The following SOX6 variants were observed in gnomAD, a reference collection of about 807,000 sequenced individuals.
The protein encoded by SOX6 is SRY-box transcription factor 6.
SOX6 carries 11 observed loss-of-function variants against 97.8 expected under a neutral mutation model. The ratio of observed to expected loss-of-function variants is 0.11; its 90% CI spans 0.07 to 0.19. SOX6 has a LOEUF of 0.19. Among genes scored for constraint, SOX6 ranks in the 10% least tolerant of loss-of-function variants. The pLI is 1.00. For synonymous variants in SOX6, 360 were observed against 371.4 expected (o/e 0.97, Z 0.35); for missense variants, 810 against 1,039.5 (o/e 0.78, Z 3.04).
In SOX6 at chr11:16,030,454, T is replaced by G. The variant is rs564234409; in HGVS notation, c.1624-15404A>C. Among the ~76,000 whole-genome samples the G allele has an allele frequency of 3.3e-5, 5 of 152,310 alleles. No homozygotes were observed. In the East Asian group the frequency reaches 9.7e-4, roughly 29 times the overall value. On this transcript the variant is annotated intron_variant, in intron 12 of 15. Coordinates refer to ENST00000683767, the MANE Select transcript of SOX6 (RefSeq NM_001367873.1). ...GTGTAAGCTGATTTGACTGCAAACT[T>G]TACTTCTCTTTAGTATGGTTTCTAC...
intron 12 of SOX6, among the ~76,000 whole-genome samples, chr11:16,045,717 C>T (rs1368318758): frequency 6.6e-6 from 1 of 152,116 alleles, no homozygotes; most frequent in African/African-American, 2.4e-5. Flanking sequence ...GCCTAGAATG[C>T]CCCTGCTCCT....
chr11:16,223,076 A>C (rs1366428331), intron 4 of SOX6, among the ~76,000 whole-genome samples: 1 of 152,034 alleles, frequency 6.6e-6, no homozygotes, highest in Non-Finnish European at 1.5e-5. Flanking sequence ...CCTTCCAGTA[A>C]TTTTCTAGGT....
chr11:16,262,728 C>T (rs903997261), intron 3 of SOX6, among the ~76,000 whole-genome samples: 4 of 151,942 alleles, frequency 2.6e-5, no homozygotes, highest in African/African-American at 7.2e-5. Context: ...GCAATAAATG[C>T]CCCTGTGACT....
chr11:16,175,064 CT>C (rs1173181693), intron 6 of SOX6, among the ~76,000 whole-genome samples: 5 of 151,896 alleles, frequency 3.3e-5, no homozygotes, highest in Non-Finnish European at 5.9e-5. Flanking sequence ...AATTGTTGCA[CT>C]TTATTTTCCT....
At chr11:16,440,543 T>C (rs1340037277) in intron 1 of SOX6, among the ~76,000 whole-genome samples, 1 of 152,168 alleles carries the variant, frequency 6.6e-6, no homozygotes, top group Non-Finnish European at 1.5e-5. Flanking sequence ...TGACAGCACT[T>C]GTTAATGGTG....
chr11:16,003,409 G>A (rs1483832510), intron 13 of SOX6, among the ~76,000 whole-genome samples: 2 of 152,038 alleles, frequency 1.3e-5, no homozygotes, highest in East Asian at 1.9e-4. Flanking sequence ...GTTAGAATAA[G>A]TAGCTTAGGC....
chr11:16,145,840 C>T (rs1386802896), intron 6 of SOX6, among the ~76,000 whole-genome samples: 2 of 151,948 alleles, frequency 1.3e-5, no homozygotes, highest in African/African-American at 4.8e-5. Context: ...TACTGCTCAA[C>T]AAAATAAAAG....
At position 16,150,800 on chromosome 11, in the gene SOX6, T is replaced by A. The variant is rs1850439836; in HGVS notation, c.777+33086A>T. ...ATAGCTTTATTGTTTAAATTGTGTA[T>A]GACTTTATTTAACGTCAGCATTTCT... On this transcript the variant is annotated intron_variant, in intron 6 of 15. Coordinates refer to ENST00000683767, the MANE Select transcript of SOX6 (RefSeq NM_001367873.1). Among the ~76,000 whole-genome samples, 6 of 152,332 alleles carry A rather than the reference T, an allele frequency of 3.9e-5. No homozygotes were observed. In the South Asian group the frequency reaches 1.2e-3, roughly 32 times the overall value.
At chr11:16,476,803 T>C (rs1860259837), upstream of SOX6, among the ~76,000 whole-genome samples, 1 of 152,208 alleles carries the variant, frequency 6.6e-6, no homozygotes, top group South Asian at 2.1e-4. Context: ...ACCTTGTAGG[T>C]AGAATTAATA....
At chr11:16,263,215 G>C (rs182640287) in intron 3 of SOX6, among the ~76,000 whole-genome samples, 3 of 151,830 alleles carry the variant, frequency 2.0e-5, no homozygotes, top group Non-Finnish European at 4.4e-5. Context: ...ACTCCAATGC[G>C]AGTTGAAATT....
intron 6 of SOX6, among the ~76,000 whole-genome samples, chr11:16,123,917 C>A (rs932099808): frequency 6.6e-6 from 1 of 152,084 alleles, no homozygotes; most frequent in African/African-American, 2.4e-5. Flanking sequence ...TCTTAACATA[C>A]CCCTGACTCC....
At chr11:15,981,225 TAATG>T (rs1258809423) in intron 15 of SOX6, among the ~76,000 whole-genome samples, 1 of 152,026 alleles carries the variant, frequency 6.6e-6, no homozygotes, top group Non-Finnish European at 1.5e-5. Flanking sequence ...GCTTTACAAA[TAATG>T]AATGTGCACA....
intron 6 of SOX6, among the ~76,000 whole-genome samples, chr11:16,164,287 C>T (rs949507903): frequency 2.0e-5 from 3 of 152,102 alleles, no homozygotes; most frequent in Non-Finnish European, 4.4e-5. Context: ...CTTAAATAGA[C>T]ATTAACTATA....
chr11:16,341,052 T>G lies in SOX6; in HGVS notation c.197A>C (p.Asp66Ala), dbSNP rs1393852817. 1.9e-6 allele frequency: 3 copies of G among 1,613,356 alleles called. No homozygotes were observed. Among genetic ancestry groups the G allele is most frequent in the African/African-American group, 2.7e-5 (2 of 74,892 alleles). The change falls in exon 2 of 16, where the codon GAT becomes GCT. Residue 66 changes from aspartate (D) to alanine (A), a missense_variant. Physicochemically the swap from Asp to Ala is moderately radical, Grantham distance 126 (BLOSUM62 -2). Around this residue, in one of 9 missense-constraint regions of SOX6, gnomAD observed 100 missense variants for 94.6 expected, o/e 1.06. Transcript: ENST00000683767. ...LPTLVSTIQQ[D>A]ADWDSVLSSQ... is the part of the protein sequence containing the mutation. ...TGACAGAACGCTGTCCCAGTCAGCA[T>G]CTTGTTGAATGGTACTGACAAGTGT...
chr11:16,459,800 A>G (rs1010194031), intron 1 of SOX6, among the ~76,000 whole-genome samples: 3 of 152,020 alleles, frequency 2.0e-5, no homozygotes, highest in East Asian at 3.9e-4. Flanking sequence ...GAAAAAGATG[A>G]AGAAAATGAA....
intron 3 of SOX6, among the ~76,000 whole-genome samples, chr11:16,279,952 C>T (rs1854504845): frequency 6.6e-6 from 1 of 151,924 alleles, no homozygotes; most frequent in Non-Finnish European, 1.5e-5. Flanking sequence ...TAAATTAAAT[C>T]AGAAAAGGGT....
chr11:16,197,767 T>C (rs1157411768), intron 4 of SOX6, among the ~76,000 whole-genome samples: 1 of 152,148 alleles, frequency 6.6e-6, no homozygotes, highest in Non-Finnish European at 1.5e-5. Flanking sequence ...AATAATGGAA[T>C]GTCAAAGAGA....
chr11:16,707,960 CTGTCTA>C (rs1255593951), intron 3 of SOX6, among the ~76,000 whole-genome samples: 4 of 152,080 alleles, frequency 2.6e-5, no homozygotes, highest in African/African-American at 9.7e-5. Flanking sequence ...AATTAAGTCT[CTGTCTA>C]TAATATTCAG....
intron 4 of SOX6, among the ~76,000 whole-genome samples, chr11:16,201,848 T>C (rs1441487757): frequency 1.3e-5 from 2 of 149,316 alleles, no homozygotes; most frequent in South Asian, 2.1e-4. Flanking sequence ...TTAGCCGGGA[T>C]GGTCTCGATC....
Sources: allele counts gnomAD v4.1 joint callset (sites outside exome capture counted in the v4.1 genomes callset), GRCh38; gene constraint gnomAD v4.1.1; regional missense constraint gnomAD v4.1.1; transcripts MANE v1.5; gene names NCBI Gene and HGNC (gene_info 2026-07-23, HGNC 2026-07-21).